Variants in PCOLCE observed in about 807,000 individuals in gnomAD.
PCOLCE encodes procollagen C-endopeptidase enhancer.
In PCOLCE, 33 loss-of-function variants were observed where a neutral mutation model predicts 47.2. The observed-to-expected ratio is 0.70, with a 90% confidence interval of 0.53 to 0.93. PCOLCE has a LOEUF of 0.93. Ranked by LOEUF, PCOLCE falls within the 40% of genes least tolerant of loss-of-function variation. PCOLCE has a pLI of 0.00. For missense variants in PCOLCE, 584 were observed against 585.3 expected (o/e 1.00, Z 0.02); for synonymous variants, 254 against 252.5 (o/e 1.01, Z -0.06).
Position 100,603,987 on chromosome 7 carries a change from CATTCCG to C in PCOLCE, c.235_240del (p.Phe79_Arg80del). On this transcript the variant is annotated inframe_deletion, in exon 3 of 9. Transcript: ENST00000223061. Reference sequence around the variant, plus strand: ...CCCGAGGGCCAGACTGTGTCCCTCTCATTCCGAGTCTTCGACCTGGAGCTGCACCCC... The same window carrying C: ...CCCGAGGGCCAGACTGTGTCCCTCTCAGTCTTCGACCTGGAGCTGCACCCC... 1 of 1,603,044 alleles carries C rather than the reference CATTCCG, an allele frequency of 6.2e-7. No individual in the cohort carries two copies. Among genetic ancestry groups the C allele is most frequent in the Middle Eastern group, 1.6e-4 (1 of 6,062 alleles).
chr7:100,603,787 C>A, intron 2 of PCOLCE, 172 bp from the exon 3 acceptor site: 1 of 710,412 alleles, frequency 1.4e-6, no homozygotes, highest in Non-Finnish European at 2.3e-6. Flanking sequence ...TTGTCCCCTG[C>A]ACAGGCTACC....
intron 5 of PCOLCE, 148 bp from the exon 6 acceptor site, chr7:100,606,268 G>A (rs1802714602): frequency 4.9e-6 from 3 of 606,406 alleles, no homozygotes; most frequent in Non-Finnish European, 5.8e-6. Context: ...GGTCAAGGCT[G>A]CAGTAAGCCT....
chr7:100,606,354 T>A (rs1301860971), intron 5 of PCOLCE, 62 bp from the exon 6 acceptor site: 1 of 1,205,944 alleles, frequency 8.3e-7, no homozygotes, highest in African/African-American at 1.5e-5. Context: ...GTCATGGGGC[T>A]GAGAAGAGTG....
chr7:100,602,764 G>A (rs1200621248), intron 1 of PCOLCE: 2 of 579,760 alleles, frequency 3.4e-6, no homozygotes, highest in African/African-American at 1.9e-5. Context: ...CCCCACCTTC[G>A]TCCTCTGGTC....
chr7:100,605,850 G>A lies in PCOLCE; in HGVS notation c.725+38G>A. Reference sequence around the variant, plus strand: ...ACCTGGGCGAGTCCGGGAGAGAGTCGGCGGACCGCACGCACGCGGCTGTTT... The same window carrying A: ...ACCTGGGCGAGTCCGGGAGAGAGTCAGCGGACCGCACGCACGCGGCTGTTT... On this transcript the variant is annotated intron_variant, in intron 5 of 8. Transcript: ENST00000223061. This position sits in a 1 kb window ranked among gnomAD's most constrained non-coding sequence, Gnocchi z 6.1. The A allele has an allele frequency of 6.5e-7, 1 of 1,540,990 alleles. No individual in the cohort carries two copies. Among genetic ancestry groups the A allele is most frequent in the South Asian group, 1.2e-5 (1 of 83,568 alleles).
At position 100,603,508 on chromosome 7, in the gene PCOLCE, C is replaced by T. The variant is rs147008327; in HGVS notation, c.174C>T (p.Pro58=). 20 of 1,600,220 alleles carry T rather than the reference C, an allele frequency of 1.2e-5. No individual in the cohort carries two copies. In the Admixed American group the frequency reaches 3.4e-4, roughly 27 times the overall value. The change falls in exon 2 of 9, where the codon CCC becomes CCT. Residue 58 remains proline, a synonymous_variant. Transcript: ENST00000223061. Reference sequence around the variant, plus strand: ...GTGAGGGGTTCCCCAACCTCTACCCCCCTAATAAGGAGTGCATCTGGACCA... The same window carrying T: ...GTGAGGGGTTCCCCAACCTCTACCCTCCTAATAAGGAGTGCATCTGGACCA... The part of the protein sequence containing the change: ...VASEGFPNLY[P]PNKECIWTIT...
intron 2 of PCOLCE, 69 bp downstream of exon 2, chr7:100,603,607 A>ACCCCCCCCCCCCCCCCCCCCCCCCCCC (rs112882557): frequency 1.8e-5 from 10 of 544,640 alleles, no homozygotes; most frequent in Non-Finnish European, 2.5e-5. Context: ...CTGCGAAGGG[A>ACCCCCCCCCCCCCCCCCCCCCCCCCCC]CCCCCCCCCC....
chr7:100,608,165 T>C lies in PCOLCE; in HGVS notation c.*62T>C. 2.1e-6 allele frequency: 3 copies of C among 1,422,130 alleles called. No homozygotes were observed. The highest frequency in any genetic ancestry group is 2.4e-5 in the South Asian group (2 of 84,558). The allele number at this position is 1,422,130 out of a possible 1,614,324, so 88.1% of individuals were successfully genotyped here. A position where few individuals can be genotyped will look rare whatever the true frequency, so the allele number is the denominator to read the frequency against. ...TCTTTCTTATCCAAATAAATGTTTC[T>C]TAATGAGGAATGGGTCAGATCTCCA... is the stretch of plus-strand genomic sequence containing the variant. On this transcript the variant is annotated 3_prime_UTR_variant, in exon 9 of 9. Coordinates refer to ENST00000223061, the MANE Select transcript of PCOLCE (RefSeq NM_002593.4).
Position 100,603,448 on chromosome 7 carries a change from A to AG in PCOLCE, c.118dup (p.Asp40GlyfsTer12), listed in dbSNP as rs1802648160. ...TCTCCAGACCCGTGTTCCTGTGCGG[A>AG]GGGGATGTGAAGGGGGAATCAGGTT... On this transcript the variant is annotated frameshift_variant, in exon 2 of 9. Coordinates refer to ENST00000223061, the MANE Select transcript of PCOLCE (RefSeq NM_002593.4). LOFTEE classifies it high-confidence loss of function. 1 of 1,593,076 alleles carries AG rather than the reference A, an allele frequency of 6.3e-7. No homozygotes were observed. Among genetic ancestry groups the AG allele is most frequent in the African/African-American group, 1.4e-5 (1 of 72,956 alleles).
Position 100,605,572 on chromosome 7 carries a change from C to T in PCOLCE, c.589-104C>T. On this transcript the variant is annotated intron_variant, in intron 4 of 8. Transcript: ENST00000223061. The surrounding 1 kb of genome is among the most constrained non-coding windows in gnomAD (Gnocchi z 6.1). ...GCCTTCAGGAGGGGGGCCCAGAGGA[C>T]GCGGGAGGTGGGAGTGGGAGCTGCT... is the stretch of plus-strand genomic sequence containing the variant. 7.2e-7 allele frequency: 1 copy of T among 1,387,596 alleles called. No homozygotes were observed. The highest frequency in any genetic ancestry group is 9.8e-7 in the Non-Finnish European group (1 of 1,021,362). The allele number at this position is 1,387,596 out of a possible 1,614,324, so 86.0% of individuals were successfully genotyped here.
At chr7:100,603,373 A>G in intron 1 of PCOLCE, 57 bp from the exon 2 acceptor site, 2 of 845,904 alleles carry the variant, frequency 2.4e-6, no homozygotes, top group Non-Finnish European at 3.8e-6. Flanking sequence ...CCATCTTGCC[A>G]GTGCTCCCCC....
Position 100,605,936 on chromosome 7 carries a change from G to C in PCOLCE, c.725+124G>C. The C allele has an allele frequency of 8.7e-7, 1 of 1,154,218 alleles. No individual in the cohort carries two copies. The allele number at this position is 1,154,218 out of a possible 1,614,324, so 71.5% of individuals were successfully genotyped here. On this transcript the variant is annotated intron_variant, in intron 5 of 8. Coordinates refer to ENST00000223061, the MANE Select transcript of PCOLCE (RefSeq NM_002593.4). This position sits in a 1 kb window ranked among gnomAD's most constrained non-coding sequence, Gnocchi z 6.1. ...AACCCCAGGGCTCCAAACCGGCGAG[G>C]GGAGCAGGTTGGAGGCCAGGCAAAG...
Position 100,605,728 on chromosome 7 carries a change from G to T in PCOLCE, c.641G>T (p.Arg214Leu), listed in dbSNP as rs149817301. ...GACCTGGAGCCGGACACCTACTGCC[G>T]CTATGACTCGGTCAGCGTGTTCAAC... is the stretch of plus-strand genomic sequence containing the variant. ...KFDLEPDTYCRYDSVSVFNGA... is the reference protein window; with the variant it reads ...KFDLEPDTYCLYDSVSVFNGA... Residue 214 changes from arginine to leucine, a missense_variant, in exon 5 of 9, where the codon CGC becomes CTC. By Grantham distance (102) the Arg-to-Leu change is moderately radical. Transcript: ENST00000223061. This position sits in a 1 kb window ranked among gnomAD's most constrained non-coding sequence, Gnocchi z 6.1. 1.3e-6 allele frequency: 2 copies of T among 1,573,326 alleles called. No homozygotes were observed. Among genetic ancestry groups the T allele is most frequent in the Non-Finnish European group, 1.7e-6 (2 of 1,159,560 alleles).
chr7:100,608,083 G>A lies in PCOLCE; in HGVS notation c.1330G>A (p.Ala444Thr). Residue 444 changes from alanine to threonine, a missense_variant, in exon 9 of 9, where the codon GCT (alanine) becomes ACT (threonine). Transcript: ENST00000223061. The part of the protein sequence containing the change: ...KRKCPSQPVR[A>T]AASQD The stretch of plus-strand genomic sequence containing the variant: ...GAAGTGCCCCTCTCAACCTGTGCGG[G>A]CTGCTGCGTCCCAGGACTGAGACGC... 6.2e-7 allele frequency: 1 copy of A among 1,613,720 alleles called. No individual in the cohort carries two copies. Among genetic ancestry groups the A allele is most frequent in the Non-Finnish European group, 8.5e-7 (1 of 1,179,986 alleles).
Position 100,605,952 on chromosome 7 carries a change from C to A in PCOLCE, c.725+140C>A. 2.0e-6 allele frequency: 2 copies of A among 984,172 alleles called. No individual in the cohort carries two copies. The highest frequency in any genetic ancestry group is 2.9e-6 in the Non-Finnish European group (2 of 682,434). 61.0% of individuals were successfully genotyped at this position (984,172 alleles called of 1,614,324 possible). On this transcript the variant is annotated intron_variant, in intron 5 of 8. Transcript: ENST00000223061. This position sits in a 1 kb window ranked among gnomAD's most constrained non-coding sequence, Gnocchi z 6.1. ...ACCGGCGAGGGGAGCAGGTTGGAGG[C>A]CAGGCAAAGAGGAGATTTGGCCCCG...
At chr7:100,606,393 C>G (rs1408506842) in intron 5 of PCOLCE, 23 bp from the exon 6 acceptor site, 1 of 1,587,824 alleles carries the variant, frequency 6.3e-7, no homozygotes, top group East Asian at 2.2e-5. Flanking sequence ...ACACTTCCCC[C>G]AATGCTCGGT....
Position 100,605,473 on chromosome 7 carries a change from C to T in PCOLCE, c.589-203C>T. 6 of 700,716 alleles carry T rather than the reference C, an allele frequency of 8.6e-6. No individual in the cohort carries two copies. Among genetic ancestry groups the T allele is most frequent in the Non-Finnish European group, 1.4e-5 (6 of 427,682 alleles). The allele number at this position is 700,716 out of a possible 1,614,324, so 43.4% of individuals were successfully genotyped here. A position where few individuals can be genotyped will look rare whatever the true frequency, so the allele number is the denominator to read the frequency against. Reference sequence around the variant, plus strand: ...ACTTGTGAGTGCGCCAGGACTTGACCTTGCCAACCACGACGACCGACACCC... The same window carrying T: ...ACTTGTGAGTGCGCCAGGACTTGACTTTGCCAACCACGACGACCGACACCC... On this transcript the variant is annotated intron_variant, in intron 4 of 8. Coordinates refer to ENST00000223061, the MANE Select transcript of PCOLCE (RefSeq NM_002593.4). The surrounding 1 kb of genome is among the most constrained non-coding windows in gnomAD (Gnocchi z 6.1).
In PCOLCE at chr7:100,604,041, AG is replaced by A. The variant is rs1802662541; in HGVS notation, c.289del (p.Val97SerfsTer24). ...LHPACRYDAL[E>X]VFAGSGTSGQ... ...CCCGCCTGCCGCTACGATGCTCTGGAGGTCTTCGCTGGGTCTGGGACTTCCG... is the reference window on the plus strand; with the variant it reads ...CCCGCCTGCCGCTACGATGCTCTGGAGTCTTCGCTGGGTCTGGGACTTCCG... On this transcript the variant is annotated frameshift_variant, in exon 3 of 9. Transcript: ENST00000223061. LOFTEE classifies it high-confidence loss of function. This position sits in a 1 kb window ranked among gnomAD's most constrained non-coding sequence, Gnocchi z 6.4. The A allele has an allele frequency of 1.2e-6, 2 of 1,607,494 alleles. No individual in the cohort carries two copies. Among genetic ancestry groups the A allele is most frequent in the South Asian group, 2.2e-5 (2 of 91,088 alleles).
At chr7:100,603,025 C>A in intron 1 of PCOLCE, 1 of 244,044 alleles carries the variant, frequency 4.1e-6, no homozygotes. Context: ...ACTGCAGCTC[C>A]CTCCATCTCT....
Sources: allele counts gnomAD v4.1 joint callset, GRCh38; gene constraint gnomAD v4.1.1; non-coding constraint Gnocchi (gnomAD v3.1); transcripts MANE v1.5; gene names NCBI Gene and HGNC (gene_info 2026-07-23, HGNC 2026-07-21).